The following GTF2IRD1 variants were observed in gnomAD, a reference collection of about 807,000 sequenced individuals.
GTF2IRD1 encodes GTF2I repeat domain containing 1.
In GTF2IRD1, 26 loss-of-function variants were observed where a neutral mutation model predicts 113.2. That is an observed-to-expected ratio of 0.23 (90% CI 0.17 to 0.32). The LOEUF is 0.32. Among genes scored for constraint, GTF2IRD1 ranks in the 10% least tolerant of loss-of-function variants. The probability of loss-of-function intolerance (pLI) is 1.00; values close to 1 mark genes in which losing one functional copy is unlikely to be tolerated. For synonymous variants in GTF2IRD1, 484 were observed against 529.1 expected (o/e 0.91, Z 1.17); for missense variants, 864 against 1,280.8 (o/e 0.67, Z 4.97).
At chr7:74,579,026 G>A (rs1337055512) in intron 22 of GTF2IRD1, among the ~76,000 whole-genome samples, 5 of 151,402 alleles carry the variant, frequency 3.3e-5, no homozygotes, top group Non-Finnish European at 4.4e-5. Flanking sequence ...GCATAGATCC[G>A]TTAAAAAGTT....
intron 2 of GTF2IRD1, among the ~76,000 whole-genome samples, chr7:74,511,796 C>T (rs1554343025): frequency 6.6e-6 from 1 of 152,210 alleles, no homozygotes; most frequent in African/African-American, 2.4e-5. Flanking sequence ...AACTGCCTGC[C>T]ACAGGCTTCA....
At chr7:74,600,942 G>T in intron 25 of GTF2IRD1, 102 bp from the exon 26 acceptor site, 1 of 1,266,906 alleles carries the variant, frequency 7.9e-7, no homozygotes, top group Non-Finnish European at 1.1e-6. Flanking sequence ...CCTGAAAGGG[G>T]GACTCGAAAC....
chr7:74,543,249 C>T (rs1329774509), intron 14 of GTF2IRD1, among the ~76,000 whole-genome samples: 1 of 152,110 alleles, frequency 6.6e-6, no homozygotes, highest in Admixed American at 6.6e-5. Flanking sequence ...TTGCAGTGAG[C>T]CAAGATCGCA....
At chr7:74,559,687 G>A (rs1554358491) in intron 22 of GTF2IRD1, 32 bp downstream of exon 22, 1 of 1,570,130 alleles carries the variant, frequency 6.4e-7, no homozygotes, top group South Asian at 1.2e-5. Flanking sequence ...GGGGGCACTG[G>A]GAATAGGGCC....
chr7:74,467,881 A>C (rs371064869), intron 1 of GTF2IRD1, among the ~76,000 whole-genome samples: 1 of 151,928 alleles, frequency 6.6e-6, no homozygotes, highest in East Asian at 1.9e-4. Flanking sequence ...TTTAGTAGAG[A>C]CGGGGTTTCA....
intron 1 of GTF2IRD1, among the ~76,000 whole-genome samples, chr7:74,474,861 C>T (rs1054750865): frequency 2.0e-5 from 3 of 152,244 alleles, no homozygotes; most frequent in African/African-American, 7.2e-5. Flanking sequence ...GCCTGTAATC[C>T]CAACACTTTG....
intron 1 of GTF2IRD1, among the ~76,000 whole-genome samples, chr7:74,499,420 G>T (rs1795902138): frequency 6.6e-6 from 1 of 151,380 alleles, no homozygotes; most frequent in East Asian, 1.9e-4. Flanking sequence ...AGGAAGGAAG[G>T]AAGAGAAGGG....
At chr7:74,551,970 A>T (rs1799335372) in intron 17 of GTF2IRD1, among the ~76,000 whole-genome samples, 2 of 152,144 alleles carry the variant, frequency 1.3e-5, no homozygotes, top group African/African-American at 4.8e-5. Flanking sequence ...GACTGTTGGG[A>T]CAGAGAAAAA....
chr7:74,568,042 C>T (rs1265343436), intron 22 of GTF2IRD1, among the ~76,000 whole-genome samples: 6 of 152,066 alleles, frequency 3.9e-5, no homozygotes, highest in African/African-American at 1.4e-4. Flanking sequence ...CTGCCTCAGC[C>T]TCCCAAAGTG....
intron 1 of GTF2IRD1, among the ~76,000 whole-genome samples, chr7:74,457,947 C>T (rs1025260600): frequency 5.4e-5 from 8 of 149,324 alleles, no homozygotes; most frequent in South Asian, 4.2e-4. Context: ...GGCGCCATCT[C>T]GGCTCACTGC....
chr7:74,601,313 C>A, intron 26 of GTF2IRD1, 133 bp downstream of exon 26: 1 of 1,542,276 alleles, frequency 6.5e-7, no homozygotes. Flanking sequence ...GACCTTCCGG[C>A]CTCGGGGGTT....
intron 1 of GTF2IRD1, among the ~76,000 whole-genome samples, chr7:74,496,490 T>TGG (rs57785608): frequency 0.1 from 13,360 of 128,302 alleles, 1,081 homozygotes; most frequent in African/African-American, 0.28. Context: ...CACGTATGTG[T>TGG]GTGTGTGTGT....
chr7:74,461,029 C>T lies in GTF2IRD1; in HGVS notation c.-7+6853C>T, dbSNP rs1162999769. The stretch of plus-strand genomic sequence containing the variant: ...ATGGGGTCCACGTCCACCTTCCGCC[C>T]GCCTGGGCAGTTTTCTTGGATGTAA... On this transcript the variant is annotated intron_variant, in intron 1 of 26. Coordinates refer to ENST00000424337, the MANE Select transcript of GTF2IRD1 (RefSeq NM_005685.4). Among the ~76,000 whole-genome samples, 8 of 152,168 alleles carry T rather than the reference C, an allele frequency of 5.3e-5. No individual in the cohort carries two copies. The East Asian group carries it at 9.6e-4, about 18-fold the overall frequency.
At chr7:74,557,039 G>A (rs1211576709) in intron 19 of GTF2IRD1, among the ~76,000 whole-genome samples, 1 of 152,106 alleles carries the variant, frequency 6.6e-6, no homozygotes, top group East Asian at 1.9e-4. Flanking sequence ...TTGGGGGTTC[G>A]AGGCCAGCCT....
chr7:74,589,712 A>C, intron 22 of GTF2IRD1, 139 bp from the exon 23 acceptor site: 1 of 548,286 alleles, frequency 1.8e-6, no homozygotes, highest in Non-Finnish European at 3.3e-6. Flanking sequence ...GGAAAAAAAA[A>C]AAAACAGCTA....
At position 74,544,788 on chromosome 7, in the gene GTF2IRD1, AGAGGCCCGTGGAGGGT is replaced by A; in HGVS notation, c.1660_1666+9del. 2.5e-6 allele frequency: 4 copies of A among 1,613,832 alleles called. No homozygotes were observed. Among genetic ancestry groups the A allele is most frequent in the Non-Finnish European group, 3.4e-6 (4 of 1,179,836 alleles). On this transcript the variant is annotated splice_donor_variant and coding_sequence_variant, in exon 15 of 27. Coordinates refer to ENST00000424337, the MANE Select transcript of GTF2IRD1 (RefSeq NM_005685.4). LOFTEE classifies it high-confidence loss of function. The stretch of plus-strand genomic sequence containing the variant: ...CTGAGTGAGGACGCGCGGCCCGAGG[AGAGGCCCGTGGAGGGT>A]GAGGCCCTGTCTACCCCTGACATTT...
intron 8 of GTF2IRD1, among the ~76,000 whole-genome samples, chr7:74,526,802 G>T (rs1296124109): frequency 6.6e-6 from 1 of 152,274 alleles, no homozygotes; most frequent in African/African-American, 2.4e-5. Flanking sequence ...TGGGAGGTGG[G>T]GGGGAAGTGG....
At chr7:74,515,056 CAA>C (rs782246030) in intron 3 of GTF2IRD1, among the ~76,000 whole-genome samples, 6 of 66,804 alleles carry the variant, frequency 9.0e-5, no homozygotes, top group Admixed American at 1.8e-4. Flanking sequence ...GACTCTGTCT[CAA>C]AAAAAAAAAA....
At chr7:74,550,263 A>G (rs150981759) in intron 17 of GTF2IRD1, among the ~76,000 whole-genome samples, 35 of 152,178 alleles carry the variant, frequency 2.3e-4, no homozygotes, top group African/African-American at 7.7e-4. Flanking sequence ...CATATAGCCC[A>G]TCAGATGTGT....
Sources: allele counts gnomAD v4.1 joint callset (sites outside exome capture counted in the v4.1 genomes callset), GRCh38; gene constraint gnomAD v4.1.1; transcripts MANE v1.5; gene names NCBI Gene and HGNC (gene_info 2026-07-23, HGNC 2026-07-21).